Variants in TEX10 observed in about 807,000 individuals in gnomAD.
The protein encoded by TEX10 is testis expressed 10, also known as testis-expressed protein 10.
Under a neutral mutation model 104.4 loss-of-function variants are expected in TEX10, and 24 were observed. The observed-to-expected ratio is 0.23, with a 90% CI of 0.17 to 0.32. TEX10 has a LOEUF of 0.32. TEX10 is among the 10% of genes least tolerant of loss of function. The probability of loss-of-function intolerance (pLI) is 1.00; values close to 1 mark genes in which losing one functional copy is unlikely to be tolerated. For missense variants in TEX10, 921 were observed against 1,083.9 expected (o/e 0.85, Z 2.11); for synonymous variants, 396 against 393.4 (o/e 1.01, Z -0.08).
intron 2 of TEX10, among the ~76,000 whole-genome samples, chr9:100,347,623 T>C (rs1835332563): frequency 6.6e-6 from 1 of 152,212 alleles, no homozygotes; most frequent in Non-Finnish European, 1.5e-5. Context: ...TGGAATTTTC[T>C]CTCTTTACAT....
chr9:100,321,467 A>G (rs1834570968), intron 10 of TEX10, among the ~76,000 whole-genome samples: 1 of 152,194 alleles, frequency 6.6e-6, no homozygotes, highest in African/African-American at 2.4e-5. Flanking sequence ...AGATTTAAAG[A>G]CAAATCATCC....
At chr9:100,309,077 T>C (rs1273666865) in intron 12 of TEX10, among the ~76,000 whole-genome samples, 1 of 152,222 alleles carries the variant, frequency 6.6e-6, no homozygotes, top group Non-Finnish European at 1.5e-5. Context: ...AAAACTTGCA[T>C]GTGGCACCAC....
At chr9:100,336,376 T>C (rs934167787) in intron 5 of TEX10, among the ~76,000 whole-genome samples, 3 of 152,148 alleles carry the variant, frequency 2.0e-5, no homozygotes, top group Non-Finnish European at 2.9e-5. Context: ...TGCTCCCCAT[T>C]GCTCACATTA....
chr9:100,339,245 C>CA (rs1182764934), intron 5 of TEX10, among the ~76,000 whole-genome samples: 534 of 29,426 alleles, frequency 0.018, 143 homozygotes, highest in Non-Finnish European at 0.022. Context: ...GACTCCATCT[C>CA]AAAAAAAAAA....
intron 13 of TEX10, 31 bp downstream of exon 13, chr9:100,308,469 A>T: frequency 6.5e-7 from 1 of 1,549,456 alleles, no homozygotes; most frequent in Non-Finnish European, 8.7e-7. Context: ...AACAGTAGGA[A>T]AATTAAGGTT....
At chr9:100,336,291 C>T (rs936105561) in intron 5 of TEX10, among the ~76,000 whole-genome samples, 4 of 152,162 alleles carry the variant, frequency 2.6e-5, no homozygotes, top group African/African-American at 7.2e-5. Flanking sequence ...GGCACCAGTC[C>T]GCGGCCTGTT....
chr9:100,312,161 C>T (rs1370131249), intron 11 of TEX10, among the ~76,000 whole-genome samples: 1 of 152,244 alleles, frequency 6.6e-6, no homozygotes, highest in Non-Finnish European at 1.5e-5. Context: ...ATCCAAACCA[C>T]ATTTGAAAAG....
At chr9:100,317,893 A>T (rs1015551726) in intron 11 of TEX10, among the ~76,000 whole-genome samples, 1 of 152,210 alleles carries the variant, frequency 6.6e-6, no homozygotes, top group African/African-American at 2.4e-5. Flanking sequence ...TCAACACATT[A>T]ATCATCAGAG....
At chr9:100,307,911 G>A (rs922459066) in intron 13 of TEX10, 1 of 152,098 alleles carries the variant, frequency 6.6e-6, no homozygotes, top group African/African-American at 2.4e-5. Flanking sequence ...TTGCCAACCT[G>A]TTAGCAGGTT....
chr9:100,309,562 TG>T (rs1564202715), intron 12 of TEX10, among the ~76,000 whole-genome samples: 1 of 152,180 alleles, frequency 6.6e-6, no homozygotes, highest in African/African-American at 2.4e-5. Flanking sequence ...GGATAAGGAC[TG>T]GAAGTTTGAC....
intron 11 of TEX10, 69 bp from the exon 12 acceptor site, chr9:100,310,448 CT>C (rs778805860): frequency 7.7e-5 from 108 of 1,405,266 alleles, no homozygotes; most frequent in Middle Eastern, 1.8e-4. Context: ...TCAACAGATT[CT>C]TTTTTTTGAG....
intron 4 of TEX10, 30 bp from the exon 5 acceptor site, chr9:100,340,399 T>C (rs1275063995): frequency 1.7e-5 from 23 of 1,356,614 alleles, no homozygotes; most frequent in Middle Eastern, 1.8e-4. Context: ...TAGAAAAATC[T>C]ACAAGAAAAA....
chr9:100,335,996 C>T (rs917269376), intron 5 of TEX10, among the ~76,000 whole-genome samples: 5 of 151,634 alleles, frequency 3.3e-5, no homozygotes, highest in African/African-American at 7.3e-5. Context: ...GGTGAAACCC[C>T]GTCTCTACTA....
chr9:100,341,049 C>T (rs1444911279), intron 4 of TEX10, among the ~76,000 whole-genome samples: 1 of 152,142 alleles, frequency 6.6e-6, no homozygotes, highest in Non-Finnish European at 1.5e-5. Flanking sequence ...TCACTGCAAC[C>T]TCTGCCTCCC....
intron 11 of TEX10, 91 bp downstream of exon 11, chr9:100,320,174 T>C (rs1425853744): frequency 1.4e-5 from 17 of 1,200,036 alleles, no homozygotes; most frequent in Non-Finnish European, 1.9e-5. Flanking sequence ...TTTGAAAAGA[T>C]CTCACACAAG....
At chr9:100,335,359 T>A (rs895897084) in intron 5 of TEX10, among the ~76,000 whole-genome samples, 7 of 152,078 alleles carry the variant, frequency 4.6e-5, no homozygotes, top group Non-Finnish European at 1.5e-5. Flanking sequence ...CCCGCCACCA[T>A]GCCCAGCTAA....
chr9:100,304,623 G>A (rs1834099713), intron 13 of TEX10: 1 of 152,208 alleles, frequency 6.6e-6, no homozygotes, highest in Non-Finnish European at 1.5e-5. Context: ...CACTTTGGGA[G>A]GCTGAGGCAG....
At chr9:100,309,710 A>G (rs1411728326) in intron 12 of TEX10, among the ~76,000 whole-genome samples, 1 of 152,246 alleles carries the variant, frequency 6.6e-6, no homozygotes, top group African/African-American at 2.4e-5. Context: ...ATAATTTGGG[A>G]GCCCTGCTTT....
chr9:100,347,463 G>A (rs900882804), intron 2 of TEX10, 57 bp from the exon 3 acceptor site: 24 of 1,361,624 alleles, frequency 1.8e-5, no homozygotes, highest in Non-Finnish European at 2.2e-5. Context: ...TCAATTTCAC[G>A]TAAACATGCT....
Sources: allele counts gnomAD v4.1 joint callset (sites outside exome capture counted in the v4.1 genomes callset), GRCh38; gene constraint gnomAD v4.1.1; transcripts MANE v1.5; gene names NCBI Gene and HGNC (gene_info 2026-07-23, HGNC 2026-07-21).